SERINC2: variants seen among roughly 807,000 people sequenced by gnomAD.
SERINC2 encodes serine incorporator 2.
In SERINC2, 56 loss-of-function variants were observed where a neutral mutation model predicts 54.2. The ratio of observed to expected loss-of-function variants is 1.03; its 90% CI spans 0.83 to 1.29. The LOEUF is 1.29. SERINC2 is among the 50% of genes most tolerant of loss of function. The pLI is 0.00. For synonymous variants in SERINC2, 272 were observed against 253.1 expected (o/e 1.07, Z -0.71); for missense variants, 614 against 607.4 (o/e 1.01, Z -0.12).
At position 31,432,364 on chromosome 1, in the gene SERINC2, A is replaced by C. The variant is rs916827710; in HGVS notation, c.1014-603A>C. On this transcript the variant is annotated intron_variant, in intron 8 of 9. Coordinates refer to ENST00000373709, the MANE Select transcript of SERINC2 (RefSeq NM_178865.5). ...AAAATTTTTATGTCTCAAACTATCA[A>C]ATTCTGTTAAAAACATCAAGGCTCA... Among the ~76,000 whole-genome samples, 9 of 151,928 alleles carry C rather than the reference A, an allele frequency of 5.9e-5. 1 individual carries two copies. Among genetic ancestry groups the C allele is most frequent in the African/African-American group, 2.2e-4 (9 of 41,212 alleles).
At chr1:31,432,419 CTGT>C (rs1641330399) in intron 8 of SERINC2, among the ~76,000 whole-genome samples, 1 of 152,042 alleles carries the variant, frequency 6.6e-6, no homozygotes, top group Non-Finnish European at 1.5e-5. Flanking sequence ...ACAATCATTA[CTGT>C]TGTTCTTTTT....
intron 8 of SERINC2, among the ~76,000 whole-genome samples, chr1:31,432,081 G>GCA (rs1553134690): frequency 4.1e-5 from 5 of 121,642 alleles, no homozygotes; most frequent in Admixed American, 1.6e-4. Context: ...TGGACAGGGT[G>GCA]GTTAGGGTGG....
In SERINC2 at chr1:31,426,743, C is replaced by T; in HGVS notation, c.700C>T (p.His234Tyr). The change falls in exon 6 of 10, where the codon CAC (histidine) becomes TAC (tyrosine). Residue 234 changes from histidine (H) to tyrosine (Y), a missense_variant. Physicochemically the swap from His to Tyr is moderately conservative, Grantham distance 83. Transcript: ENST00000373709. ...GTACTACACTGAGCCCAGCGGCTGC[C>T]ACGAGGGCAAGGTCTTCATCAGCCT... ...FMYYTEPSGC[H>Y]EGKVFISLNL... 6.2e-7 allele frequency: 1 copy of T among 1,614,156 alleles called. No homozygotes were observed. The highest frequency in any genetic ancestry group is 8.5e-7 in the Non-Finnish European group (1 of 1,180,016).
At chr1:31,421,733 G>A (rs1374537075) in intron 1 of SERINC2, among the ~76,000 whole-genome samples, 3 of 152,186 alleles carry the variant, frequency 2.0e-5, no homozygotes, top group Admixed American at 6.5e-5. Context: ...CCAGCCCCTC[G>A]AGTGGGTGCC....
chr1:31,410,448 T>C (rs6701521), upstream of SERINC2: 710,076 of 1,549,374 alleles, frequency 0.46, 168,235 homozygotes, highest in East Asian at 0.82. Context: ...GAGTTATGCC[T>C]TCCATGCTGG....
intron 8 of SERINC2, among the ~76,000 whole-genome samples, chr1:31,431,832 T>G (rs113603204): frequency 0.01 from 282 of 27,894 alleles, no homozygotes; most frequent in East Asian, 0.036. Context: ...ATAGGGTGGA[T>G]AGGGTGGATA....
At chr1:31,416,151 A>G (rs111914784) in intron 1 of SERINC2, among the ~76,000 whole-genome samples, 7 of 152,172 alleles carry the variant, frequency 4.6e-5, no homozygotes, top group Non-Finnish European at 4.4e-5. Flanking sequence ...GGAGAAAACA[A>G]TGGTGTCTGC....
At chr1:31,422,881 A>G (rs372032368) in intron 1 of SERINC2, among the ~76,000 whole-genome samples, 1 of 152,208 alleles carries the variant, frequency 6.6e-6, no homozygotes, top group Non-Finnish European at 1.5e-5. Context: ...CAACTGGGGC[A>G]GAGGACCCTG....
upstream of SERINC2, chr1:31,409,829 T>C: frequency 6.4e-7 from 1 of 1,556,080 alleles, no homozygotes; most frequent in Non-Finnish European, 8.7e-7. Flanking sequence ...GGCACACATC[T>C]GAGTCCTCAT....
At chr1:31,430,498 T>TA (rs542301970) in intron 8 of SERINC2, among the ~76,000 whole-genome samples, 2,245 of 134,830 alleles carry the variant, frequency 0.017, 49 homozygotes, top group African/African-American at 0.053. Context: ...ATGGTGTCTC[T>TA]AAAAAAAAAA....
intron 1 of SERINC2, among the ~76,000 whole-genome samples, chr1:31,420,358 C>A (rs189180452): frequency 6.6e-6 from 1 of 152,062 alleles, no homozygotes; most frequent in African/African-American, 2.4e-5. Context: ...AGAACCAGAG[C>A]GAACTGAAAG....
upstream of SERINC2, among the ~76,000 whole-genome samples, chr1:31,412,663 T>C (rs572195505): frequency 1.3e-5 from 2 of 152,302 alleles, no homozygotes; most frequent in East Asian, 1.9e-4. Context: ...AGCAAGACCC[T>C]GTCTCTTAAA....
At chr1:31,424,597 G>C in intron 2 of SERINC2, 86 bp from the exon 3 acceptor site, 1 of 1,193,738 alleles carries the variant, frequency 8.4e-7, no homozygotes, top group South Asian at 1.6e-5. Flanking sequence ...GGCCGGCCTT[G>C]GGAGACCAGG....
intron 5 of SERINC2, 160 bp downstream of exon 5, chr1:31,426,073 C>T: frequency 2.7e-6 from 2 of 735,834 alleles, no homozygotes; most frequent in Non-Finnish European, 4.3e-6. Context: ...AGATGGGGGG[C>T]ACCAGCTGAT....
At chr1:31,431,683 A>C (rs563131172) in intron 8 of SERINC2, among the ~76,000 whole-genome samples, 2 of 151,928 alleles carry the variant, frequency 1.3e-5, no homozygotes, top group East Asian at 3.8e-4. Context: ...AGCATATGCA[A>C]CCCATGAGGG....
At chr1:31,425,439 G>A (rs373684357) in intron 4 of SERINC2, 30 bp downstream of exon 4, 3 of 1,486,358 alleles carry the variant, frequency 2.0e-6, no homozygotes, top group Admixed American at 1.7e-5. Context: ...GGCATGGGGG[G>A]CTGTGGGGAG....
At chr1:31,416,864 C>T (rs953052764) in intron 1 of SERINC2, among the ~76,000 whole-genome samples, 79 of 152,218 alleles carry the variant, frequency 5.2e-4, no homozygotes, top group African/African-American at 1.7e-3. Flanking sequence ...GGATTACAGG[C>T]GTGCGCCACC....
chr1:31,432,026 TGGAC>T (rs1641262688), intron 8 of SERINC2, among the ~76,000 whole-genome samples: 3 of 127,356 alleles, frequency 2.4e-5, no homozygotes, highest in Admixed American at 7.6e-5. Flanking sequence ...GTGGACAGGG[TGGAC>T]AGGGTGGACA....
intron 1 of SERINC2, among the ~76,000 whole-genome samples, chr1:31,419,850 A>G (rs1553132603): frequency 6.6e-6 from 1 of 151,864 alleles, no homozygotes; most frequent in African/African-American, 2.4e-5. Context: ...CAAGAAACCA[A>G]AAAGAAAAAT....
Sources: gnomAD v4.1 joint callset for allele counts (sites outside exome capture counted in the v4.1 genomes callset) on GRCh38, gnomAD v4.1.1 for gene constraint, MANE v1.5 for transcripts, NCBI Gene and HGNC (gene_info 2026-07-23, HGNC 2026-07-21) for gene names.